The following CRY1 variants were observed in gnomAD, a reference collection of about 807,000 sequenced individuals.
CRY1 encodes cryptochrome-1.
Under a neutral mutation model 76.0 loss-of-function variants are expected in CRY1, and 45 were observed. The ratio of observed to expected loss-of-function variants is 0.59; its 90% CI spans 0.47 to 0.76. The LOEUF (loss-of-function observed/expected upper bound fraction) is 0.76, where lower values mean the gene tolerates loss of function less well. Among genes scored for constraint, CRY1 ranks in the 30% least tolerant of loss-of-function variants. The pLI is 0.00. For synonymous variants in CRY1, 248 were observed against 244.0 expected, an observed-to-expected ratio of 1.02 and a Z score of -0.15; for missense variants, 587 against 716.4, an observed-to-expected ratio of 0.82 and a Z score of 2.06.
At chr12:107,086,498 T>G (rs1953402918) in intron 1 of CRY1, among the ~76,000 whole-genome samples, 1 of 152,150 alleles carries the variant, frequency 6.6e-6, no homozygotes. Context: ...CTCAGAGGCC[T>G]CCTCGGGCAA....
chr12:107,028,112 C>T (rs1021525182), intron 1 of CRY1, among the ~76,000 whole-genome samples: 1 of 152,018 alleles, frequency 6.6e-6, no homozygotes. Flanking sequence ...ACCTTATTAT[C>T]CACATAAAAC....
intron 1 of CRY1, among the ~76,000 whole-genome samples, chr12:107,035,163 G>A (rs895516618): frequency 3.9e-5 from 6 of 152,124 alleles, no homozygotes; most frequent in African/African-American, 1.2e-4. Context: ...CCTTCAAAAA[G>A]ATATTAATAA....
chr12:107,016,943 C>A (rs895386415), intron 2 of CRY1, among the ~76,000 whole-genome samples: 2 of 152,188 alleles, frequency 1.3e-5, no homozygotes, highest in African/African-American at 4.8e-5. Flanking sequence ...CCTACCACTT[C>A]TCAACACCTC....
At chr12:107,046,381 A>C (rs1952849670) in intron 1 of CRY1, among the ~76,000 whole-genome samples, 1 of 152,132 alleles carries the variant, frequency 6.6e-6, no homozygotes, top group Non-Finnish European at 1.5e-5. Context: ...TATAAAACTC[A>C]CTGGTAGAAC....
At chr12:107,073,305 G>A (rs1301246200) in intron 1 of CRY1, among the ~76,000 whole-genome samples, 4 of 151,354 alleles carry the variant, frequency 2.6e-5, no homozygotes, top group South Asian at 2.1e-4. Flanking sequence ...GCGTGATCTC[G>A]GCTCACTGCA....
intron 2 of CRY1, among the ~76,000 whole-genome samples, chr12:107,015,985 TCAGAAAGGATAA>T (rs556888971): frequency 3.7e-4 from 57 of 152,330 alleles, no homozygotes; most frequent in Middle Eastern, 3.4e-3. Flanking sequence ...TACTTGTTAA[TCAGAAAGGATAA>T]CATGAACAAC....
intron 2 of CRY1, among the ~76,000 whole-genome samples, chr12:107,015,686 C>G (rs1350002195): frequency 6.6e-6 from 1 of 152,040 alleles, no homozygotes; most frequent in African/African-American, 2.4e-5. Flanking sequence ...TGAATATTCA[C>G]TTTGCAATTT....
chr12:107,054,531 T>C (rs934898870), intron 1 of CRY1, among the ~76,000 whole-genome samples: 3 of 150,850 alleles, frequency 2.0e-5, no homozygotes, highest in African/African-American at 7.3e-5. Flanking sequence ...ACTTTGGTAA[T>C]TATAACAAAT....
intron 1 of CRY1, among the ~76,000 whole-genome samples, chr12:107,025,761 C>A (rs1405607532): frequency 6.6e-6 from 1 of 152,016 alleles, no homozygotes; most frequent in East Asian, 1.9e-4. Flanking sequence ...CCTTCCCATA[C>A]AAAGGTTTTC....
At chr12:106,992,753 T>C (rs1157399573) in intron 12 of CRY1, 34 bp downstream of exon 12, 3 of 1,541,182 alleles carry the variant, frequency 1.9e-6, no homozygotes, top group Non-Finnish European at 2.7e-6. Flanking sequence ...TATATACTCT[T>C]CTAAAGCAAG....
chr12:107,037,024 A>C (rs1439608412), intron 1 of CRY1, among the ~76,000 whole-genome samples: 1 of 152,158 alleles, frequency 6.6e-6, no homozygotes, highest in East Asian at 1.9e-4. Context: ...TGTAAATTCC[A>C]TGAAAGTAAG....
intron 1 of CRY1, among the ~76,000 whole-genome samples, chr12:107,085,246 A>C (rs922082293): frequency 6.6e-6 from 1 of 152,216 alleles, no homozygotes; most frequent in African/African-American, 2.4e-5. Flanking sequence ...ATTATGGAAG[A>C]CAGTGTGGTG....
chr12:107,001,952 TAAC>T lies in CRY1; in HGVS notation c.411-7_411-5del. 6.4e-7 allele frequency: 1 copy of T among 1,565,420 alleles called. No homozygotes were observed. Among genetic ancestry groups the T allele is most frequent in the Non-Finnish European group, 8.6e-7 (1 of 1,165,158 alleles). ...TCCACCATTGAGTTCTATGATCCTATAACAAGAGTTAGTAAAATGTAGTTAGTA... is the reference window on the plus strand; with the variant it reads ...TCCACCATTGAGTTCTATGATCCTATAAGAGTTAGTAAAATGTAGTTAGTA... On this transcript the variant is annotated splice_region_variant and splice_polypyrimidine_tract_variant and intron_variant, in intron 3 of 12. Transcript: ENST00000008527.
intron 1 of CRY1, among the ~76,000 whole-genome samples, chr12:107,052,598 T>A (rs1444934243): frequency 3.9e-5 from 6 of 152,214 alleles, no homozygotes; most frequent in African/African-American, 1.4e-4. Flanking sequence ...GAATGGAGAC[T>A]GGTATTTTAT....
intron 1 of CRY1, among the ~76,000 whole-genome samples, chr12:107,071,523 A>C (rs1404798119): frequency 6.6e-6 from 1 of 152,198 alleles, no homozygotes; most frequent in Admixed American, 6.5e-5. Flanking sequence ...AACAATTTAT[A>C]TATCACTGAA....
intron 2 of CRY1, among the ~76,000 whole-genome samples, chr12:107,019,021 C>A (rs1462730943): frequency 6.6e-6 from 1 of 152,156 alleles, no homozygotes; most frequent in Non-Finnish European, 1.5e-5. Flanking sequence ...GCCTTACCTC[C>A]AATGTGGAAA....
At chr12:107,087,002 A>G (rs986105173) in intron 1 of CRY1, among the ~76,000 whole-genome samples, 2 of 152,172 alleles carry the variant, frequency 1.3e-5, no homozygotes, top group Non-Finnish European at 1.5e-5. Flanking sequence ...GAAAGAAACA[A>G]AGAAAGAAAG....
chr12:107,028,407 A>AAT lies in CRY1; in HGVS notation c.159-6216_159-6215insAT, dbSNP rs1952638939. Among the ~76,000 whole-genome samples, 3 of 152,286 alleles carry AAT rather than the reference A, an allele frequency of 2.0e-5. No individual in the cohort carries two copies. The South Asian group carries it at 6.2e-4, about 32-fold the overall frequency. On this transcript the variant is annotated intron_variant, in intron 1 of 12. Transcript: ENST00000008527. Reference sequence around the variant, plus strand: ...GTTTAATGTTCAATAAAGATGAAATATATATTTTAAAAGCAAACTTTGCAT... The same window carrying AAT: ...GTTTAATGTTCAATAAAGATGAAATAATTATATTTTAAAAGCAAACTTTGCAT...
In CRY1 at chr12:107,093,378, A is replaced by C; in HGVS notation, c.-417T>G. On this transcript the variant is annotated 5_prime_UTR_variant, in exon 1 of 13. Coordinates refer to ENST00000008527, the MANE Select transcript of CRY1 (RefSeq NM_004075.5). ...CACCAAGGCGGCCCCTAAAGACAAA[A>C]CGGCCCGCCCGAGGTGAGTCACCGA... is the stretch of plus-strand genomic sequence containing the variant. 8 of 160,452 alleles carry C rather than the reference A, an allele frequency of 5.0e-5. No homozygotes were observed. Among genetic ancestry groups the C allele is most frequent in the Non-Finnish European group, 8.2e-5 (6 of 73,350 alleles). The allele number at this position is 160,452 out of a possible 1,614,324, so 9.9% of individuals were successfully genotyped here.
Sources: gnomAD v4.1 joint callset for allele counts (sites outside exome capture counted in the v4.1 genomes callset) on GRCh38, gnomAD v4.1.1 for gene constraint, MANE v1.5 for transcripts, NCBI Gene and HGNC (gene_info 2026-07-23, HGNC 2026-07-21) for gene names.